The following CTBP2 variants were observed in gnomAD, a reference collection of about 807,000 sequenced individuals.
CTBP2 encodes the protein C-terminal-binding protein 2.
Under a neutral mutation model 80.3 loss-of-function variants are expected in CTBP2, and 30 were observed. The observed-to-expected ratio is 0.37, with a 90% CI of 0.28 to 0.51. The LOEUF is 0.51. Ranked by LOEUF, CTBP2 falls within the 20% of genes least tolerant of loss-of-function variation. The probability of loss-of-function intolerance (pLI) is 0.93; values close to 1 mark genes in which losing one functional copy is unlikely to be tolerated. For missense variants in CTBP2, 1,212 were observed against 1,375.3 expected, an observed-to-expected ratio of 0.88 and a Z score of 1.88; for synonymous variants, 594 against 587.4, an observed-to-expected ratio of 1.01 and a Z score of -0.16.
chr10:125,055,070 A>G (rs571495973), intron 2 of CTBP2, among the ~76,000 whole-genome samples: 1 of 152,268 alleles, frequency 6.6e-6, no homozygotes. Context: ...AAAAAGATCT[A>G]TCAGAGCCTG....
rs1392880795 is a variant in CTBP2 at position 124,986,038 on chromosome 10, G to GTGTT, written c.*3476_*3479dup. 3.9e-5 allele frequency: 6 copies of GTGTT among 152,660 alleles called. No homozygotes were observed. The East Asian group carries it at 9.6e-4, about 24-fold the overall frequency. The allele number at this position is 152,660 out of a possible 1,614,324, so 9.5% of individuals were successfully genotyped here. ...AATGCATTGTATGAAGAATTTCTCAGTGTTTAGTCTGAGAATTTTTGCATG... is the reference window on the plus strand; with the variant it reads ...AATGCATTGTATGAAGAATTTCTCAGTGTTTGTTTAGTCTGAGAATTTTTGCATG... On this transcript the variant is annotated 3_prime_UTR_variant, in exon 9 of 9. Transcript: ENST00000309035.
intron 1 of CTBP2, among the ~76,000 whole-genome samples, chr10:125,010,222 A>G (rs1258394754): frequency 8.1e-6 from 1 of 123,582 alleles, no homozygotes; most frequent in Admixed American, 9.2e-5. Flanking sequence ...TTAAGGTTAA[A>G]AAAAAAAAAA....
chr10:125,106,188 C>T (rs1162172330), intron 2 of CTBP2, among the ~76,000 whole-genome samples: 1 of 152,142 alleles, frequency 6.6e-6, no homozygotes, highest in South Asian at 2.1e-4. Context: ...ACACTCTCAG[C>T]GGAAAGATGC....
chr10:125,124,963 C>T (rs1854980826), intron 1 of CTBP2, among the ~76,000 whole-genome samples: 2 of 152,130 alleles, frequency 1.3e-5, no homozygotes, highest in Admixed American at 6.5e-5. Flanking sequence ...CCCTCTGCCC[C>T]CTCCCTCCTG....
chr10:125,093,916 T>C (rs143679591), intron 2 of CTBP2, among the ~76,000 whole-genome samples: 191 of 152,294 alleles, frequency 1.3e-3, no homozygotes, highest in Non-Finnish European at 2.3e-3. Context: ...AATAATTGAA[T>C]TAAAGAGTTG....
intron 1 of CTBP2, among the ~76,000 whole-genome samples, chr10:125,006,253 A>G (rs1447831917): frequency 2.0e-5 from 3 of 151,944 alleles, no homozygotes; most frequent in Non-Finnish European, 4.4e-5. Context: ...GGAAAAGAGA[A>G]AAGCCAACGG....
chr10:125,123,225 G>A (rs200814336), intron 1 of CTBP2, among the ~76,000 whole-genome samples: 9 of 92,032 alleles, frequency 9.8e-5, no homozygotes, highest in African/African-American at 2.6e-4. Context: ...AAAGGGCAAC[G>A]GGGGGATTCT....
chr10:125,023,375 T>G (rs1475463486), intron 1 of CTBP2, among the ~76,000 whole-genome samples: 1 of 152,234 alleles, frequency 6.6e-6, no homozygotes, highest in African/African-American at 2.4e-5. Flanking sequence ...GACAAAGATA[T>G]GAAAATGGCC....
In CTBP2 at chr10:125,027,065, A is replaced by AGGT; in HGVS notation, c.694_695insACC (p.Cys231_Leu232insHis). Reference sequence around the variant, plus strand: ...AGCAGCTGAACTGGGGTCCACAACCAGGCACGTCGGGGCCACCTGTCTGGC... The same window carrying AGGT: ...AGCAGCTGAACTGGGGTCCACAACCAGGTGGCACGTCGGGGCCACCTGTCTGGC... On this transcript the variant is annotated inframe_insertion, in exon 1 of 9. Coordinates refer to ENST00000309035, the MANE Select transcript of CTBP2 (RefSeq NM_022802.3). 6.2e-7 allele frequency: 1 copy of AGGT among 1,612,626 alleles called. No individual in the cohort carries two copies. The highest frequency in any genetic ancestry group is 1.6e-4 in the Middle Eastern group (1 of 6,062).
At chr10:125,033,474 T>G (rs1196388950) in intron 3 of CTBP2, among the ~76,000 whole-genome samples, 3 of 152,162 alleles carry the variant, frequency 2.0e-5, no homozygotes, top group Non-Finnish European at 2.9e-5. Context: ...ACACTGTACG[T>G]TCTGGAAAAG....
At chr10:125,030,666 A>G (rs1053946381), upstream of CTBP2, among the ~76,000 whole-genome samples, 1 of 152,260 alleles carries the variant, frequency 6.6e-6, no homozygotes, top group Non-Finnish European at 1.5e-5. Flanking sequence ...AGGTGGGATC[A>G]GTGAGTCTGA....
intron 1 of CTBP2, among the ~76,000 whole-genome samples, chr10:125,011,548 G>A (rs1955906286): frequency 6.6e-6 from 1 of 152,196 alleles, no homozygotes. Context: ...ATCTTCCAGG[G>A]TTGGAAAGAG....
chr10:124,990,402 T>G (rs1183650650), intron 8 of CTBP2, among the ~76,000 whole-genome samples: 5 of 152,230 alleles, frequency 3.3e-5, no homozygotes, highest in African/African-American at 1.2e-4. Flanking sequence ...AGGAGAAGTC[T>G]CAATTTTTAT....
At chr10:125,114,359 CAG>C (rs921025992) in intron 1 of CTBP2, among the ~76,000 whole-genome samples, 7 of 152,088 alleles carry the variant, frequency 4.6e-5, no homozygotes, top group African/African-American at 9.7e-5. Context: ...CAGCTGATGA[CAG>C]GGGGGTGTGT....
Position 125,071,174 on chromosome 10 carries a change from G to A in CTBP2, c.-101-32019C>T, listed in dbSNP as rs534111260. 1.4e-3 allele frequency among the ~76,000 whole-genome samples: 219 copies of A among 152,290 alleles called. 1 individual carries two copies. The highest frequency in any genetic ancestry group is 3.3e-3 in the African/African-American group (139 of 41,558). On this transcript the variant is annotated intron_variant, in intron 2 of 10. Coordinates refer to the CTBP2 transcript ENST00000337195. The stretch of plus-strand genomic sequence containing the variant: ...TGCCCCACTCACCCATGCAACCACC[G>A]CCTGCTGAGAGGGGAAACAGAGGCA...
chr10:125,102,858 C>T (rs1383819884), intron 2 of CTBP2, among the ~76,000 whole-genome samples: 3 of 152,202 alleles, frequency 2.0e-5, no homozygotes, highest in African/African-American at 7.2e-5. Context: ...ACTTGCAGAG[C>T]CAGTGGGCCT....
rs186491926 is a variant in CTBP2 at position 125,150,874 on chromosome 10, G to A, written c.-206+9445C>T. 2.4e-3 allele frequency among the ~76,000 whole-genome samples: 360 copies of A among 149,610 alleles called. 1 individual carries two copies. Among genetic ancestry groups the A allele is most frequent in the African/African-American group, 8.4e-3 (342 of 40,698 alleles). On this transcript the variant is annotated intron_variant, in intron 1 of 10. Coordinates refer to the CTBP2 transcript ENST00000337195. The stretch of plus-strand genomic sequence containing the variant: ...TGTTTGGAAGCCTGAGGCAGGCCCC[G>A]TTGAATACGTGGGTCAGACTCTGGA...
In CTBP2 at chr10:124,985,215, TTTTA is replaced by T. The variant is rs1341639998; in HGVS notation, c.*4299_*4302del. 2.2e-6 allele frequency: 1 copy of T among 458,756 alleles called. No homozygotes were observed. Among genetic ancestry groups the T allele is most frequent in the Non-Finnish European group, 3.8e-6 (1 of 260,034 alleles). 28.4% of individuals were successfully genotyped at this position (458,756 alleles called of 1,614,324 possible). ...GACTACAGTTTGTAAAAAAAACTAA[TTTTA>T]TTAAGACAGAACTTTTTTTCCTTCC... On this transcript the variant is annotated 3_prime_UTR_variant, in exon 9 of 9. Coordinates refer to ENST00000309035, the MANE Select transcript of CTBP2 (RefSeq NM_022802.3).
chr10:125,085,860 C>T (rs1483598350), intron 2 of CTBP2, among the ~76,000 whole-genome samples: 1 of 152,232 alleles, frequency 6.6e-6, no homozygotes, highest in African/African-American at 2.4e-5. Flanking sequence ...GTGATCCTAG[C>T]CCAGTGTCTG....
Sources: allele counts gnomAD v4.1 joint callset (sites outside exome capture counted in the v4.1 genomes callset), GRCh38; gene constraint gnomAD v4.1.1; transcripts MANE v1.5; gene names NCBI Gene and HGNC (gene_info 2026-07-23, HGNC 2026-07-21).